LENG1: variants seen among roughly 807,000 people sequenced by gnomAD.
The protein encoded by LENG1 is leukocyte receptor cluster member 1.
Under a neutral mutation model 28.8 loss-of-function variants are expected in LENG1, and 35 were observed. The observed-to-expected ratio is 1.22, with a 90% CI of 0.93 to 1.61. LENG1 has a LOEUF of 1.61. Among genes scored for constraint, LENG1 ranks in the 40% most tolerant of loss-of-function variants. LENG1 has a pLI of 0.00. For synonymous variants in LENG1, 170 were observed against 140.6 expected (o/e 1.21, Z -1.48); for missense variants, 404 against 348.9 (o/e 1.16, Z -1.26).
Position 54,155,728 on chromosome 19 carries a change from G to C in LENG1, c.788C>G (p.Thr263Ser). 1 of 1,610,546 alleles carries C rather than the reference G, an allele frequency of 6.2e-7. No individual in the cohort carries two copies. The highest frequency in any genetic ancestry group is 8.5e-7 in the Non-Finnish European group (1 of 1,179,214). The change falls in exon 4 of 4, where the codon ACT becomes AGT. Residue 263 changes from threonine (T) to serine (S), a missense_variant. Thr to Ser is a moderately conservative substitution (Grantham distance 58, BLOSUM62 1). Coordinates refer to ENST00000222224, the MANE Select transcript of LENG1 (RefSeq NM_024316.3). ...CCTGTACCCCCTCAGGAGTCAGTGA[G>C]TAAGGTGAGGGTCCTGCTGGCGGGG... ...RRPRQQDPHLTH is the reference protein window; with the variant it reads ...RRPRQQDPHLSH
rs1164213510 is a variant in LENG1, at chr19:54,158,297, T to C, written c.297A>G (p.Glu99=). 1.1e-5 allele frequency: 18 copies of C among 1,613,580 alleles called. No homozygotes were observed. The highest frequency in any genetic ancestry group is 1.4e-5 in the Non-Finnish European group (16 of 1,179,668). ...VIRGNKEYKE[E]KRQEKERQEK... The stretch of plus-strand genomic sequence containing the variant: ...GCCAGCTTACTTTCTCCTGTCGCTT[T>C]TCTTCCTTGTACTCTTTATTGCCTC... The change falls in exon 2 of 4, where the codon GAA becomes GAG. Residue 99 remains glutamate (E), a synonymous_variant. Transcript: ENST00000222224.
In LENG1 at chr19:54,155,819, C is replaced by T. The variant is rs768739464; in HGVS notation, c.697G>A (p.Glu233Lys). 3 of 1,612,490 alleles carry T rather than the reference C, an allele frequency of 1.9e-6. No individual in the cohort carries two copies. The Admixed American group carries it at 5.0e-5, about 27-fold the overall frequency. Residue 233 changes from glutamate (E) to lysine (K), a missense_variant, in exon 4 of 4, where the codon GAA (glutamate) becomes AAA (lysine). Glu to Lys is a moderately conservative substitution (Grantham distance 56). Transcript: ENST00000222224. ...CGCCGCCGGTCATCCGTCTCGTCTTCTTCCGGCTGACCCTCCTGTAGTGCC... is the reference window on the plus strand; with the variant it reads ...CGCCGCCGGTCATCCGTCTCGTCTTTTTCCGGCTGACCCTCCTGTAGTGCC... The part of the protein sequence containing the change: ...GRALQEGQPE[E>K]DETDDRRRRY...
In LENG1 at chr19:54,156,828, G is replaced by A. The variant is rs560477512; in HGVS notation, c.510C>T (p.His170=). The A allele has an allele frequency of 7.2e-5, 117 of 1,613,974 alleles. No individual in the cohort carries two copies. Among genetic ancestry groups the A allele is most frequent in the African/African-American group, 9.3e-5 (7 of 75,032 alleles). Reference sequence around the variant, plus strand: ...TGCTGCGACTGCCTTCATCACCGCCGTGCTGTCTCTTCTTCCCCAGATGCT... The same window carrying A: ...TGCTGCGACTGCCTTCATCACCGCCATGCTGTCTCTTCTTCCCCAGATGCT... ...MQKHLGKKRQ[H]GGDEGSRSRK... The change falls in exon 3 of 4, where the codon CAC becomes CAT. Residue 170 remains histidine (H), a synonymous_variant. Coordinates refer to ENST00000222224, the MANE Select transcript of LENG1 (RefSeq NM_024316.3).
intron 3 of LENG1, among the ~76,000 whole-genome samples, chr19:54,156,520 T>C (rs1377562526): frequency 6.6e-6 from 1 of 152,122 alleles, no homozygotes; most frequent in Non-Finnish European, 1.5e-5. Flanking sequence ...ACTACATGCC[T>C]GAGAACACGA....
At chr19:54,158,132 G>T in intron 2 of LENG1, 150 bp downstream of exon 2, 2 of 774,082 alleles carry the variant, frequency 2.6e-6, no homozygotes, top group Non-Finnish European at 4.2e-6. Flanking sequence ...GACGGCAATA[G>T]CCAACGCTTT....
chr19:54,159,501 C>A, intron 1 of LENG1, 63 bp downstream of exon 1: 1 of 1,452,216 alleles, frequency 6.9e-7, no homozygotes, highest in Non-Finnish European at 9.0e-7. Context: ...CCGCTTCCGG[C>A]CCCCAACCGC....
intron 1 of LENG1, 133 bp from the exon 2 acceptor site, chr19:54,158,594 G>C (rs1435785447): frequency 6.5e-6 from 5 of 768,306 alleles, no homozygotes; most frequent in Non-Finnish European, 1.1e-5. Context: ...GCGCCTAAAA[G>C]AGGCACCTGT....
At chr19:54,156,699 A>G in intron 3 of LENG1, 64 bp downstream of exon 3, 12 of 1,519,812 alleles carry the variant, frequency 7.9e-6, no homozygotes, top group South Asian at 1.3e-5. Context: ...TGCAGTGCCC[A>G]TGCTGGGCTG....
rs1330476367 is a variant in LENG1 at position 54,155,603 on chromosome 19, C to T, written c.*118G>A. On this transcript the variant is annotated 3_prime_UTR_variant, in exon 4 of 4. Transcript: ENST00000222224. ...CCGGGGGCGAGGGCTGCCCCCTCCT[C>T]CCCTCCCCAGTGAGGGACATTTTTT... 1.7e-6 allele frequency: 2 copies of T among 1,145,136 alleles called. No individual in the cohort carries two copies. Among genetic ancestry groups the T allele is most frequent in the Non-Finnish European group, 2.5e-6 (2 of 812,110 alleles). 70.9% of individuals were successfully genotyped at this position (1,145,136 alleles called of 1,614,324 possible). A position where few individuals can be genotyped will look rare whatever the true frequency, so the allele number is the denominator to read the frequency against.
At chr19:54,158,237 A>C in intron 2 of LENG1, 45 bp downstream of exon 2, 5 of 1,576,182 alleles carry the variant, frequency 3.2e-6, no homozygotes, top group Non-Finnish European at 4.3e-6. Context: ...CCTCCCTCCA[A>C]CTCGATTCAT....
chr19:54,155,901 C>A lies in LENG1; in HGVS notation c.615G>T (p.Arg205=). ...CCCGAGACCTCTCAGCTGCTTCCCT[C>A]CGCAGACGTTCAGCTCGAAGCTGGT... ...SLDQLRAERL[R]REAAERSRAE... The change falls in exon 4 of 4, where the codon CGG becomes CGT. Residue 205 remains arginine (R), a synonymous_variant. Transcript: ENST00000222224. 6.2e-7 allele frequency: 1 copy of A among 1,612,474 alleles called. No homozygotes were observed. The highest frequency in any genetic ancestry group is 8.5e-7 in the Non-Finnish European group (1 of 1,179,648).
In LENG1 at chr19:54,155,228, T is replaced by C. The variant is rs1254297589; in HGVS notation, c.*493A>G. On this transcript the variant is annotated 3_prime_UTR_variant, in exon 4 of 4. Transcript: ENST00000222224. ...CCTGACACATCCACAGCCCTAAGAA[T>C]TGTCCCCTTTGTCTGTTGGTCCGGC... is the stretch of plus-strand genomic sequence containing the variant. The C allele has an allele frequency of 2.0e-5, 32 of 1,563,958 alleles. 1 individual carries two copies. Among genetic ancestry groups the C allele is most frequent in the Middle Eastern group, 3.3e-4 (2 of 6,012 alleles).
At position 54,157,035 on chromosome 19, in the gene LENG1, C is replaced by T; in HGVS notation, c.313-10G>A. 6.6e-7 allele frequency: 1 copy of T among 1,515,012 alleles called. No homozygotes were observed. Among genetic ancestry groups the T allele is most frequent in the Non-Finnish European group, 8.8e-7 (1 of 1,131,720 alleles). 93.8% of individuals were successfully genotyped at this position (1,515,012 alleles called of 1,614,324 possible). ...CTTTCTCTTGCCTCTCCTGAGGGGG[C>T]CAGGAAATACAAGAGATGTGATATA... On this transcript the variant is annotated splice_polypyrimidine_tract_variant and intron_variant, in intron 2 of 3. Coordinates refer to ENST00000222224, the MANE Select transcript of LENG1 (RefSeq NM_024316.3).
At position 54,155,646 on chromosome 19, in the gene LENG1, T is replaced by G; in HGVS notation, c.*75A>C. ...CATTTTTTGGTAAACCTATTTTCATTTTGGAAAATATTTATGAATAAATAG... is the reference window on the plus strand; with the variant it reads ...CATTTTTTGGTAAACCTATTTTCATGTTGGAAAATATTTATGAATAAATAG... On this transcript the variant is annotated 3_prime_UTR_variant, in exon 4 of 4. Coordinates refer to ENST00000222224, the MANE Select transcript of LENG1 (RefSeq NM_024316.3). 2.2e-6 allele frequency: 3 copies of G among 1,379,902 alleles called. No individual in the cohort carries two copies. Among genetic ancestry groups the G allele is most frequent in the Non-Finnish European group, 3.0e-6 (3 of 1,015,344 alleles). The allele number at this position is 1,379,902 out of a possible 1,614,324, so 85.5% of individuals were successfully genotyped here.
In LENG1 at chr19:54,159,708, G is replaced by T; in HGVS notation, c.-13C>A. ...GCAAGATATTCATGGCGTCGTAGCTGTCCAGGGACTGGCACGCCCGCCTCT... is the reference window on the plus strand; with the variant it reads ...GCAAGATATTCATGGCGTCGTAGCTTTCCAGGGACTGGCACGCCCGCCTCT... On this transcript the variant is annotated 5_prime_UTR_variant, in exon 1 of 4. Coordinates refer to ENST00000222224, the MANE Select transcript of LENG1 (RefSeq NM_024316.3). 6.3e-7 allele frequency: 1 copy of T among 1,580,128 alleles called. No individual in the cohort carries two copies. Among genetic ancestry groups the T allele is most frequent in the Non-Finnish European group, 8.6e-7 (1 of 1,162,832 alleles).
chr19:54,159,569 G>T lies in LENG1; in HGVS notation c.127C>A (p.Gln43Lys). The change falls in exon 1 of 4, where the codon CAA becomes AAA. Residue 43 changes from glutamine to lysine, a missense_variant. Coordinates refer to ENST00000222224, the MANE Select transcript of LENG1 (RefSeq NM_024316.3). Reference sequence around the variant, plus strand: ...CTGCCGGCTTCCGAGCTTACCTCTTGCTGAGCCAGCAGCACCCTCCGCTCA... The same window carrying T: ...CTGCCGGCTTCCGAGCTTACCTCTTTCTGAGCCAGCAGCACCCTCCGCTCA... Reference protein sequence around the residue: ...ERERRVLLAQQEARTEFLRKK... With the variant: ...ERERRVLLAQKEARTEFLRKK... 6.4e-7 allele frequency: 1 copy of T among 1,574,012 alleles called. No homozygotes were observed. Among genetic ancestry groups the T allele is most frequent in the Non-Finnish European group, 8.6e-7 (1 of 1,160,378 alleles).
chr19:54,157,085 T>A, intron 2 of LENG1, 60 bp from the exon 3 acceptor site: 2 of 1,330,104 alleles, frequency 1.5e-6, no homozygotes, highest in Non-Finnish European at 2.0e-6. Context: ...CAGGTGTGTC[T>A]CCCTGACACA....
chr19:54,159,574 G>A lies in LENG1; in HGVS notation c.122C>T (p.Ala41Val), dbSNP rs369315437. 8 of 1,579,600 alleles carry A rather than the reference G, an allele frequency of 5.1e-6. No individual in the cohort carries two copies. The highest frequency in any genetic ancestry group is 2.3e-5 in the East Asian group (1 of 43,446). Residue 41 changes from alanine (A) to valine (V), a missense_variant, in exon 1 of 4, where the codon GCT becomes GTT. Physicochemically the swap from Ala to Val is moderately conservative, Grantham distance 64. Transcript: ENST00000222224. The stretch of plus-strand genomic sequence containing the variant: ...GGCTTCCGAGCTTACCTCTTGCTGA[G>A]CCAGCAGCACCCTCCGCTCACGCTC... The part of the protein sequence containing the change: ...EKERERRVLL[A>V]QQEARTEFLR...
Position 54,155,846 on chromosome 19 carries a change from G to T in LENG1, c.670C>A (p.Arg224=), listed in dbSNP as rs137939939. 5.0e-6 allele frequency: 8 copies of T among 1,612,828 alleles called. No individual in the cohort carries two copies. The highest frequency in any genetic ancestry group is 6.8e-6 in the Non-Finnish European group (8 of 1,179,832). ...AEALLARVQG[R]ALQEGQPEED... Reference sequence around the variant, plus strand: ...TCCGGCTGACCCTCCTGTAGTGCCCGGCCTTGGACCCGGGCCAGCAGGGCC... The same window carrying T: ...TCCGGCTGACCCTCCTGTAGTGCCCTGCCTTGGACCCGGGCCAGCAGGGCC... Residue 224 remains arginine, a synonymous_variant, in exon 4 of 4, where the codon CGG becomes AGG. Transcript: ENST00000222224.
Sources: allele counts gnomAD v4.1 joint callset (sites outside exome capture counted in the v4.1 genomes callset), GRCh38; gene constraint gnomAD v4.1.1; transcripts MANE v1.5; gene names NCBI Gene and HGNC (gene_info 2026-07-23, HGNC 2026-07-21).